KIAA1217: variants seen among roughly 807,000 people sequenced by gnomAD.
KIAA1217 encodes KIAA1217.
A neutral mutation model predicts 163.9 loss-of-function variants in KIAA1217; 88 were observed. That is an observed-to-expected ratio of 0.54 (90% confidence interval 0.45 to 0.64). The LOEUF is 0.64. Ranked by LOEUF, KIAA1217 falls within the 30% of genes least tolerant of loss-of-function variation. The probability of loss-of-function intolerance (pLI) is 0.00; values close to 1 mark genes in which losing one functional copy is unlikely to be tolerated. For missense variants in KIAA1217, 2,372 were observed against 2,475.0 expected (o/e 0.96, Z 0.88); for synonymous variants, 903 against 923.1 (o/e 0.98, Z 0.39).
intron 2 of KIAA1217, among the ~76,000 whole-genome samples, chr10:24,165,031 C>T (rs2065281548): frequency 6.6e-6 from 1 of 152,144 alleles, no homozygotes; most frequent in African/African-American, 2.4e-5. Context: ...GCTTAGGGAG[C>T]AAACAAACAG....
intron 2 of KIAA1217, among the ~76,000 whole-genome samples, chr10:24,010,343 C>G (rs376329592): frequency 6.6e-6 from 1 of 152,098 alleles, no homozygotes; most frequent in Admixed American, 6.6e-5. Context: ...GATTGGAAAA[C>G]TACAATGCTC....
chr10:24,014,380 A>G (rs762895052), intron 2 of KIAA1217, among the ~76,000 whole-genome samples: 1 of 152,178 alleles, frequency 6.6e-6, no homozygotes, highest in Non-Finnish European at 1.5e-5. Flanking sequence ...AGAGTTTACA[A>G]TTTGAAATAA....
chr10:24,501,464 A>G lies in KIAA1217; in HGVS notation c.1920A>G (p.Ser640=), dbSNP rs1112284. ...PPSQPPPVGT[S]AIHMSLLEMR... is the part of the protein sequence containing the mutation. The stretch of plus-strand genomic sequence containing the variant: ...GCCAGCCTCCACCTGTGGGCACCTC[A>G]GCCATCCACATGAGCCTGCTTGAGA... Residue 640 remains serine, a synonymous_variant, in exon 9 of 21, where the codon TCA becomes TCG. Coordinates refer to ENST00000376454, the MANE Select transcript of KIAA1217 (RefSeq NM_019590.5). 545,748 of 1,613,122 alleles carry G rather than the reference A, an allele frequency of 0.34. 96,757 individuals carry two copies. Among genetic ancestry groups the G allele is most frequent in the African/African-American group, 0.63 (47,345 of 74,900 alleles).
chr10:24,059,512 T>C (rs541702171), intron 2 of KIAA1217, among the ~76,000 whole-genome samples: 11 of 152,294 alleles, frequency 7.2e-5, no homozygotes, highest in African/African-American at 2.4e-4. Flanking sequence ...TCCTGAGCTT[T>C]TGTTAAGAGG....
At chr10:24,372,418 A>C (rs2134535378) in intron 2 of KIAA1217, among the ~76,000 whole-genome samples, 1 of 152,238 alleles carries the variant, frequency 6.6e-6, no homozygotes, top group East Asian at 1.9e-4. Flanking sequence ...GAGAGTCCTA[A>C]AGGTGTTTCC....
chr10:23,920,372 A>G (rs1272536388), intron 1 of KIAA1217, among the ~76,000 whole-genome samples: 1 of 152,090 alleles, frequency 6.6e-6, no homozygotes, highest in African/African-American at 2.4e-5. Flanking sequence ...AAGGTCGCTG[A>G]CTGGCTAGAT....
intron 1 of KIAA1217, among the ~76,000 whole-genome samples, chr10:23,918,714 T>A (rs939239822): frequency 6.1e-5 from 9 of 147,276 alleles, no homozygotes; most frequent in African/African-American, 2.4e-4. Flanking sequence ...AATAGTGTGA[T>A]CTTTAAGAAT....
At chr10:24,419,783 A>C (rs557089576) in intron 3 of KIAA1217, among the ~76,000 whole-genome samples, 1 of 152,266 alleles carries the variant, frequency 6.6e-6, no homozygotes, top group South Asian at 2.1e-4. Flanking sequence ...ACTACCATGC[A>C]CATTTTGGGC....
chr10:24,273,736 C>T (rs1181547418), intron 2 of KIAA1217, among the ~76,000 whole-genome samples: 1 of 151,466 alleles, frequency 6.6e-6, no homozygotes, highest in Admixed American at 6.6e-5. Context: ...CCTGTAATCA[C>T]AGCTACTCGG....
chr10:23,959,911 CTTTTT>C (rs1326171008), intron 1 of KIAA1217, among the ~76,000 whole-genome samples: 2 of 106,266 alleles, frequency 1.9e-5, no homozygotes, highest in Admixed American at 1.0e-4. Flanking sequence ...TCATAGACTT[CTTTTT>C]TTTTTTTTTT....
At chr10:23,854,964 G>T (rs547917138) in intron 1 of KIAA1217, among the ~76,000 whole-genome samples, 1 of 152,012 alleles carries the variant, frequency 6.6e-6, no homozygotes, top group African/African-American at 2.4e-5. Context: ...TTGACTCTTT[G>T]TCCAATTTGC....
chr10:23,864,188 C>T (rs1318337276), intron 1 of KIAA1217, among the ~76,000 whole-genome samples: 1 of 151,558 alleles, frequency 6.6e-6, no homozygotes, highest in East Asian at 1.9e-4. Flanking sequence ...GGATTTGAGC[C>T]CAGATACACC....
chr10:24,032,802 T>C (rs1471042660), intron 2 of KIAA1217, among the ~76,000 whole-genome samples: 1 of 152,214 alleles, frequency 6.6e-6, no homozygotes, highest in African/African-American at 2.4e-5. Context: ...CAATAATATC[T>C]CTGGAGACCA....
At chr10:24,243,441 C>T (rs1211616178) in intron 2 of KIAA1217, among the ~76,000 whole-genome samples, 1 of 151,890 alleles carries the variant, frequency 6.6e-6, no homozygotes, top group African/African-American at 2.4e-5. Context: ...TTTGCAGTCC[C>T]CAGGGTCCAT....
intron 3 of KIAA1217, among the ~76,000 whole-genome samples, chr10:24,405,218 T>A (rs1177133619): frequency 6.6e-6 from 1 of 152,180 alleles, no homozygotes; most frequent in Non-Finnish European, 1.5e-5. Flanking sequence ...TATTGCCCTA[T>A]AGTTATATAA....
intron 3 of KIAA1217, among the ~76,000 whole-genome samples, chr10:24,385,946 T>C (rs1393473761): frequency 6.6e-6 from 1 of 152,110 alleles, no homozygotes; most frequent in Non-Finnish European, 1.5e-5. Context: ...AATGTGACCA[T>C]GGGCGGGGGT....
At chr10:24,425,001 G>A (rs2059067451) in intron 3 of KIAA1217, among the ~76,000 whole-genome samples, 1 of 152,166 alleles carries the variant, frequency 6.6e-6, no homozygotes, top group Non-Finnish European at 1.5e-5. Flanking sequence ...AAATGTCAAT[G>A]TCTTTCCCAT....
chr10:24,390,333 A>G (rs2054685750), intron 3 of KIAA1217, among the ~76,000 whole-genome samples: 1 of 152,152 alleles, frequency 6.6e-6, no homozygotes, highest in South Asian at 2.1e-4. Context: ...TCTATATTAT[A>G]AATACTGCAA....
intron 10 of KIAA1217, among the ~76,000 whole-genome samples, chr10:24,517,702 G>A (rs7090837): frequency 0.55 from 82,901 of 152,030 alleles, 24,174 homozygotes; most frequent in African/African-American, 0.76. Flanking sequence ...GCCTAAAACT[G>A]TGAAGAGATG....
Sources: allele counts gnomAD v4.1 joint callset (sites outside exome capture counted in the v4.1 genomes callset), GRCh38; gene constraint gnomAD v4.1.1; transcripts MANE v1.5; gene names NCBI Gene and HGNC (gene_info 2026-07-23, HGNC 2026-07-21).